Variants in GPHN observed in about 807,000 individuals in gnomAD.
The protein encoded by GPHN is gephyrin.
In GPHN, 17 loss-of-function variants were observed where a neutral mutation model predicts 95.5. That is an observed-to-expected ratio of 0.18 (90% CI 0.12 to 0.27). GPHN has a LOEUF of 0.27. GPHN is among the 10% of genes least tolerant of loss of function. The pLI, the probability that GPHN is intolerant of heterozygous loss-of-function variation, is 1.00. For missense variants in GPHN, 660 were observed against 978.1 expected (o/e 0.67, Z 4.34); for synonymous variants, 320 against 322.5 (o/e 0.99, Z 0.08).
chr14:67,594,584 C>T, the GPHN span, among the ~76,000 whole-genome samples: 3 of 151,180 alleles, frequency 2.0e-5, no homozygotes, highest in African/African-American at 7.3e-5. Context: ...GAGGCGGAGG[C>T]GGAGGTTGCA....
At chr14:67,434,771 G>T in the GPHN span, among the ~76,000 whole-genome samples, 4 of 152,092 alleles carry the variant, frequency 2.6e-5, no homozygotes, top group African/African-American at 9.7e-5. Context: ...TATCTGAAAC[G>T]GGGTAATTTA....
At chr14:67,729,657 T>TGTTG in the GPHN span, 1 of 596,682 alleles carries the variant, frequency 1.7e-6, no homozygotes, top group Non-Finnish European at 3.1e-6. Flanking sequence ...AGACTGTCGC[T>TGTTG]GTTGGTTATG....
At chr14:67,003,785 T>G (rs2072409172) in intron 9 of GPHN, among the ~76,000 whole-genome samples, 1 of 151,746 alleles carries the variant, frequency 6.6e-6, no homozygotes, top group Non-Finnish European at 1.5e-5. Flanking sequence ...TATTTCTGAA[T>G]GATTCTTTAT....
the GPHN span, among the ~76,000 whole-genome samples, chr14:67,398,738 T>G: frequency 6.6e-6 from 1 of 152,118 alleles, no homozygotes; most frequent in Non-Finnish European, 1.5e-5. Flanking sequence ...TAAATTTTTT[T>G]GTAAAGACGA....
the GPHN span, chr14:67,574,407 G>C: frequency 0.53 from 813,516 of 1,547,608 alleles, 214,926 homozygotes; most frequent in Middle Eastern, 0.61. This position sits in a 1 kb window ranked among gnomAD's most constrained non-coding sequence, Gnocchi z 4.2. Flanking sequence ...GACCAAGGTA[G>C]AGGGTGGGGC....
chr14:66,965,072 T>TA, intron 8 of GPHN, 119 bp from the exon 9 acceptor site: 1 of 819,014 alleles, frequency 1.2e-6, no homozygotes, highest in South Asian at 1.4e-5. Context: ...TACCTAACAG[T>TA]AAGTGACACC....
intron 21 of GPHN, among the ~76,000 whole-genome samples, chr14:67,169,608 A>T (rs760203214): frequency 6.6e-6 from 1 of 152,210 alleles, no homozygotes; most frequent in Non-Finnish European, 1.5e-5. Context: ...ACTAACTTCA[A>T]TGTGATTTAC....
At chr14:67,541,129 G>A in the GPHN span, among the ~76,000 whole-genome samples, 1 of 152,258 alleles carries the variant, frequency 6.6e-6, no homozygotes, top group Middle Eastern at 3.4e-3. Context: ...GATAACAATG[G>A]ACACAATCCC....
chr14:66,622,958 A>T (rs1186975714), intron 1 of GPHN, among the ~76,000 whole-genome samples: 2 of 152,182 alleles, frequency 1.3e-5, no homozygotes, highest in African/African-American at 4.8e-5. Context: ...ATTTTCATGT[A>T]TGTTTTCAGC....
chr14:67,573,212 T>C, the GPHN span: 1 of 996,004 alleles, frequency 1.0e-6, no homozygotes, highest in Middle Eastern at 2.1e-4. This position sits in a 1 kb window ranked among gnomAD's most constrained non-coding sequence, Gnocchi z 4.8. Context: ...CACTTGGACC[T>C]GTGTGATGTC....
At chr14:66,944,041 A>G (rs930320628) in intron 8 of GPHN, among the ~76,000 whole-genome samples, 3 of 152,224 alleles carry the variant, frequency 2.0e-5, no homozygotes, top group African/African-American at 7.2e-5. Flanking sequence ...CTGAGAAAAA[A>G]ACCCTTTTTC....
the GPHN span, chr14:67,619,927 G>C: frequency 7.6e-7 from 1 of 1,312,578 alleles, no homozygotes. Context: ...CTCACTCCCG[G>C]CTTCCAACCG....
the GPHN span, among the ~76,000 whole-genome samples, chr14:67,542,412 A>G: frequency 6.6e-6 from 1 of 152,214 alleles, no homozygotes; most frequent in African/African-American, 2.4e-5. Context: ...CCTGGTAACA[A>G]GGACACAGGC....
At chr14:67,664,007 T>G in the GPHN span, among the ~76,000 whole-genome samples, 2 of 152,154 alleles carry the variant, frequency 1.3e-5, no homozygotes, top group Non-Finnish European at 2.9e-5. Flanking sequence ...TTAAAAAAAT[T>G]TATACATCCA....
the GPHN span, among the ~76,000 whole-genome samples, chr14:67,401,057 C>T: frequency 6.6e-6 from 1 of 151,918 alleles, no homozygotes; most frequent in Admixed American, 6.6e-5. Flanking sequence ...CTCCAAAATT[C>T]GTATGTTGAA....
intron 1 of GPHN, among the ~76,000 whole-genome samples, chr14:66,540,727 C>T (rs1310304494): frequency 2.0e-5 from 3 of 152,268 alleles, no homozygotes; most frequent in African/African-American, 7.2e-5. Flanking sequence ...GGTAGTCCCA[C>T]GCTTACTATA....
intron 1 of GPHN, among the ~76,000 whole-genome samples, chr14:66,631,633 A>G (rs1258664974): frequency 1.3e-5 from 2 of 152,186 alleles, no homozygotes; most frequent in Non-Finnish European, 2.9e-5. Flanking sequence ...GCCATAGTGA[A>G]GTAATTTTAA....
At chr14:66,680,874 A>G (rs1489692564) in intron 1 of GPHN, among the ~76,000 whole-genome samples, 1 of 152,034 alleles carries the variant, frequency 6.6e-6, no homozygotes, top group African/African-American at 2.4e-5. Context: ...TAATGTATTT[A>G]TATAGAGTTG....
intron 1 of GPHN, among the ~76,000 whole-genome samples, chr14:66,591,103 A>G (rs1479702678): frequency 1.3e-5 from 2 of 152,158 alleles, no homozygotes; most frequent in Non-Finnish European, 2.9e-5. Flanking sequence ...ATAAAATTCA[A>G]GAGCCTTCAT....
Sources: gnomAD v4.1 joint callset for allele counts (sites outside exome capture counted in the v4.1 genomes callset) on GRCh38, gnomAD v4.1.1 for gene constraint, Gnocchi (gnomAD v3.1) non-coding constraint, MANE v1.5 for transcripts, NCBI Gene and HGNC (gene_info 2026-07-23, HGNC 2026-07-21) for gene names.